The following GRID2 variants were observed in gnomAD, a reference collection of about 807,000 sequenced individuals.
GRID2 encodes glutamate ionotropic receptor delta type subunit 2, also known as glutamate receptor ionotropic, delta-2.
Under a neutral mutation model 114.8 loss-of-function variants are expected in GRID2, and 33 were observed. The ratio of observed to expected loss-of-function variants is 0.29; its 90% CI spans 0.22 to 0.38. GRID2 has a LOEUF of 0.38. GRID2 is among the 10% of genes least tolerant of loss of function. The pLI is 1.00. For missense variants in GRID2, 1,184 were observed against 1,257.7 expected, an observed-to-expected ratio of 0.94 and a Z score of 0.89; for synonymous variants, 505 against 449.9, an observed-to-expected ratio of 1.12 and a Z score of -1.55.
intron 2 of GRID2, among the ~76,000 whole-genome samples, chr4:92,670,046 G>A (rs1443336713): frequency 6.6e-6 from 1 of 151,908 alleles, no homozygotes; most frequent in Non-Finnish European, 1.5e-5. Flanking sequence ...TTGCAAAAGT[G>A]TTTTCTTCAT....
chr4:93,601,772 C>T (rs1739707804), intron 13 of GRID2, among the ~76,000 whole-genome samples: 1 of 151,978 alleles, frequency 6.6e-6, no homozygotes, highest in African/African-American at 2.4e-5. Context: ...ATTTTTTCCA[C>T]ATTGATGAGA....
intron 13 of GRID2, among the ~76,000 whole-genome samples, chr4:93,525,293 A>G (rs183978190): frequency 2.6e-5 from 4 of 152,182 alleles, no homozygotes; most frequent in South Asian, 2.1e-4. Flanking sequence ...AAAAAATGGG[A>G]TAGGGAGGAG....
intron 2 of GRID2, among the ~76,000 whole-genome samples, chr4:92,925,917 A>G (rs1365446053): frequency 1.3e-5 from 2 of 151,974 alleles, no homozygotes; most frequent in Admixed American, 6.6e-5. Flanking sequence ...TGTAATATAT[A>G]ATGTAATTAA....
intron 10 of GRID2, among the ~76,000 whole-genome samples, chr4:93,433,470 G>A (rs1246734285): frequency 1.3e-5 from 2 of 152,208 alleles, no homozygotes; most frequent in South Asian, 2.1e-4. Context: ...CAAAAAACAG[G>A]TTCCTTGAGT....
chr4:93,631,451 T>G (rs1035908804), intron 14 of GRID2, among the ~76,000 whole-genome samples: 3 of 152,110 alleles, frequency 2.0e-5, no homozygotes, highest in Non-Finnish European at 4.4e-5. Flanking sequence ...CACCTATGAG[T>G]GAGAACATGC....
intron 8 of GRID2, among the ~76,000 whole-genome samples, chr4:93,345,848 T>C (rs1760173339): frequency 1.3e-5 from 2 of 152,150 alleles, no homozygotes; most frequent in Non-Finnish European, 2.9e-5. Flanking sequence ...TTCAATTTCA[T>C]TCATCTGCAT....
At chr4:92,338,513 A>G (rs1560574758) in intron 1 of GRID2, among the ~76,000 whole-genome samples, 1 of 152,004 alleles carries the variant, frequency 6.6e-6, no homozygotes, top group Non-Finnish European at 1.5e-5. Flanking sequence ...TGGTGTTGAG[A>G]CTCTTACAAT....
At chr4:92,717,739 A>C (rs1735617183) in intron 2 of GRID2, among the ~76,000 whole-genome samples, 1 of 152,192 alleles carries the variant, frequency 6.6e-6, no homozygotes, top group African/African-American at 2.4e-5. Flanking sequence ...TTGAACTACA[A>C]GAAAATAGTG....
intron 2 of GRID2, among the ~76,000 whole-genome samples, chr4:92,754,939 A>T (rs1286506182): frequency 6.6e-6 from 1 of 152,136 alleles, no homozygotes; most frequent in Non-Finnish European, 1.5e-5. Context: ...TGTTAGCATC[A>T]CTTCTACTAT....
intron 2 of GRID2, among the ~76,000 whole-genome samples, chr4:92,793,259 A>AT (rs894364816): frequency 4.7e-4 from 72 of 151,646 alleles, no homozygotes; most frequent in African/African-American, 1.6e-3. Context: ...TAGAATGTTC[A>AT]TTTTTTTGCC....
At chr4:93,290,413 T>C (rs1300449182) in intron 8 of GRID2, among the ~76,000 whole-genome samples, 3 of 152,218 alleles carry the variant, frequency 2.0e-5, no homozygotes, top group African/African-American at 7.2e-5. Context: ...CTTCATGATA[T>C]CTAGAGGTCA....
At chr4:93,099,901 C>T (rs1731554163) in intron 3 of GRID2, among the ~76,000 whole-genome samples, 1 of 151,848 alleles carries the variant, frequency 6.6e-6, no homozygotes, top group South Asian at 2.1e-4. Context: ...ACACATTCCT[C>T]TTAATTGATT....
intron 12 of GRID2, among the ~76,000 whole-genome samples, chr4:93,491,444 G>A (rs1727001634): frequency 1.3e-5 from 2 of 151,906 alleles, no homozygotes; most frequent in African/African-American, 4.8e-5. Flanking sequence ...ATTTCCGTAA[G>A]CCCGTGGAGC....
At chr4:92,945,604 G>T (rs952849541) in intron 2 of GRID2, among the ~76,000 whole-genome samples, 1 of 152,186 alleles carries the variant, frequency 6.6e-6, no homozygotes, top group Non-Finnish European at 1.5e-5. Flanking sequence ...AAGTACCAGT[G>T]ATGGTCACTG....
rs1313612183 is a variant in GRID2, at chr4:92,751,216, G to A, written c.244+160930G>A. Among the ~76,000 whole-genome samples, 6 of 152,060 alleles carry A rather than the reference G, an allele frequency of 3.9e-5. No homozygotes were observed. The South Asian group carries it at 8.3e-4, about 21-fold the overall frequency. ...GTTTTAAAATAAGTTAGGTGGTAACGATTTTTAAACTAACTTTAAGAAAAT... is the reference window on the plus strand; with the variant it reads ...GTTTTAAAATAAGTTAGGTGGTAACAATTTTTAAACTAACTTTAAGAAAAT... On this transcript the variant is annotated intron_variant, in intron 2 of 15. Coordinates refer to ENST00000282020, the MANE Select transcript of GRID2 (RefSeq NM_001510.4).
At position 92,646,816 on chromosome 4, in the gene GRID2, CATT is replaced by C. The variant is rs1418511964; in HGVS notation, c.244+56536_244+56538del. ...GTATTCTATTTATGTTTTCATTTAT[CATT>C]ATTATCACTCCTGAATTAGTAAATG... is the stretch of plus-strand genomic sequence containing the variant. On this transcript the variant is annotated intron_variant, in intron 2 of 15. Transcript: ENST00000282020. 3.3e-5 allele frequency among the ~76,000 whole-genome samples: 5 copies of C among 152,116 alleles called. No homozygotes were observed. The East Asian group carries it at 7.7e-4, about 24-fold the overall frequency.
chr4:92,897,430 T>TA (rs564591313), intron 2 of GRID2, among the ~76,000 whole-genome samples: 513 of 151,646 alleles, frequency 3.4e-3, no homozygotes, highest in African/African-American at 7.8e-3. Context: ...TTGTTTGTTT[T>TA]AAAAAAAAAG....
rs1013058127 is a variant in GRID2 at position 93,489,788 on chromosome 4, G to A, written c.1859-851G>A. On this transcript the variant is annotated intron_variant, in intron 11 of 15. Coordinates refer to ENST00000282020, the MANE Select transcript of GRID2 (RefSeq NM_001510.4). ...GTGGTGCTATTCCCTGACATGGTGT[G>A]GACTGGCTTGAAGGAGAGTTAATTT... Among the ~76,000 whole-genome samples the A allele has an allele frequency of 3.9e-5, 6 of 151,970 alleles. No homozygotes were observed. In the East Asian group the frequency reaches 9.8e-4, roughly 25 times the overall value.
At chr4:93,061,657 G>A (rs1727820568) in intron 2 of GRID2, among the ~76,000 whole-genome samples, 1 of 152,226 alleles carries the variant, frequency 6.6e-6, no homozygotes, top group South Asian at 2.1e-4. Flanking sequence ...GTAATGATGG[G>A]TAAAAGGCAC....
Sources: allele counts gnomAD v4.1 joint callset (sites outside exome capture counted in the v4.1 genomes callset), GRCh38; gene constraint gnomAD v4.1.1; transcripts MANE v1.5; gene names NCBI Gene and HGNC (gene_info 2026-07-23, HGNC 2026-07-21).